ZNF347: variants seen among roughly 807,000 people sequenced by gnomAD.
The protein encoded by ZNF347 is zinc finger protein 347, also known as CTD-2620I22.7.
Under a neutral mutation model 12.9 loss-of-function variants are expected in ZNF347, and 19 were observed. The observed-to-expected ratio is 1.47, with a 90% CI of 1.03 to 2.16. The LOEUF (loss-of-function observed/expected upper bound fraction) is 2.16, where lower values mean the gene tolerates loss of function less well. Among genes scored for constraint, ZNF347 ranks in the 30% most tolerant of loss-of-function variants. The pLI, the probability that ZNF347 is intolerant of heterozygous loss-of-function variation, is 0.00. For synonymous variants in ZNF347, 328 were observed against 340.6 expected (o/e 0.96, Z 0.41); for missense variants, 1,005 against 990.6 (o/e 1.01, Z -0.19).
In ZNF347 at chr19:53,139,402, T is replaced by C. The variant is rs2090405256; in HGVS notation, c.*906A>G. Reference sequence around the variant, plus strand: ...TAAGCCTTTCCATACTGTGGTTCTTTCCCAGATAGGCACCACGAAAGGTGC... The same window carrying C: ...TAAGCCTTTCCATACTGTGGTTCTTCCCCAGATAGGCACCACGAAAGGTGC... On this transcript the variant is annotated 3_prime_UTR_variant, in exon 5 of 5. Transcript: ENST00000334197. 1 of 152,192 alleles carries C rather than the reference T, an allele frequency of 6.6e-6. No individual in the cohort carries two copies. Among genetic ancestry groups the C allele is most frequent in the Non-Finnish European group, 1.5e-5 (1 of 68,044 alleles). The allele number at this position is 152,192 out of a possible 1,614,324, so 9.4% of individuals were successfully genotyped here.
At chr19:53,156,050 G>C (rs545261699) in intron 1 of ZNF347, among the ~76,000 whole-genome samples, 7 of 136,922 alleles carry the variant, frequency 5.1e-5, no homozygotes, top group East Asian at 2.2e-4. Context: ...CAGCTCGGGG[G>C]GGGGGGGGGG....
At chr19:53,144,601 G>A (rs2090450995) in intron 4 of ZNF347, among the ~76,000 whole-genome samples, 1 of 151,978 alleles carries the variant, frequency 6.6e-6, no homozygotes, top group Non-Finnish European at 1.5e-5. Context: ...CAGACTAAAT[G>A]GACCTAAAAA....
At chr19:53,155,294 C>CTGTGTGTGTGTGTGTGTG (rs61275588) in intron 1 of ZNF347, among the ~76,000 whole-genome samples, 1 of 141,816 alleles carries the variant, frequency 7.1e-6, no homozygotes, top group Non-Finnish European at 1.5e-5. Context: ...AGACTTTATT[C>CTGTGTGTGTGTGTGTGTG]TGTGTGTGTG....
intron 2 of ZNF347, among the ~76,000 whole-genome samples, chr19:53,151,951 G>C (rs1016969049): frequency 6.6e-6 from 1 of 151,744 alleles, no homozygotes; most frequent in Non-Finnish European, 1.5e-5. Context: ...AAATTAGCCG[G>C]GTGTGGTGGT....
rs1661933 is a variant in ZNF347 at position 53,138,649 on chromosome 19, T to C, written c.*1659A>G. 6.6e-6 allele frequency: 1 copy of C among 151,986 alleles called. No individual in the cohort carries two copies. The highest frequency in any genetic ancestry group is 2.4e-5 in the African/African-American group (1 of 41,364). 9.4% of individuals were successfully genotyped at this position (151,986 alleles called of 1,614,324 possible). On this transcript the variant is annotated 3_prime_UTR_variant, in exon 5 of 5. Coordinates refer to ENST00000334197, the MANE Select transcript of ZNF347 (RefSeq NM_032584.3). ...AATTCAAGTGCAGAGTATGATTACATTTTCCCAAAATTGTATGTTGATTCC... is the reference window on the plus strand; with the variant it reads ...AATTCAAGTGCAGAGTATGATTACACTTTCCCAAAATTGTATGTTGATTCC...
intron 3 of ZNF347, chr19:53,149,031 G>T: frequency 1.7e-6 from 2 of 1,143,886 alleles, no homozygotes; most frequent in Non-Finnish European, 2.4e-6. Context: ...AGAAAACAGG[G>T]AATTGGATAT....
At chr19:53,151,597 G>A (rs1226364295) in intron 2 of ZNF347, among the ~76,000 whole-genome samples, 1 of 148,520 alleles carries the variant, frequency 6.7e-6, no homozygotes, top group Non-Finnish European at 1.5e-5. Flanking sequence ...GGATCTAAAT[G>A]AGCAAAGTTG....
intron 1 of ZNF347, among the ~76,000 whole-genome samples, 200 bp from the exon 2 acceptor site, chr19:53,153,993 A>G (rs1051723412): frequency 4.6e-5 from 7 of 152,130 alleles, no homozygotes; most frequent in African/African-American, 1.2e-4. Flanking sequence ...GGGAAGATCA[A>G]TAAGTGAGTT....
In ZNF347 at chr19:53,141,607, G is replaced by C. The variant is rs764646966; in HGVS notation, c.1221C>G (p.Gly407=). ...GEKPYKCNEC[G]KVFTQNSHLT... ...GGTGTGAATTTTGAGTGAAGACCTT[G>C]CCACATTCATTACATTTGTAAGGTT... The change falls in exon 5 of 5, where the codon GGC becomes GGG. Residue 407 remains glycine, a synonymous_variant. Transcript: ENST00000334197. The C allele has an allele frequency of 2.5e-6, 4 of 1,613,960 alleles. No homozygotes were observed. The East Asian group carries it at 8.9e-5, about 36-fold the overall frequency.
At chr19:53,150,618 T>C (rs1274206715) in intron 2 of ZNF347, among the ~76,000 whole-genome samples, 1 of 152,220 alleles carries the variant, frequency 6.6e-6, no homozygotes, top group Non-Finnish European at 1.5e-5. Context: ...TCTTACGAGA[T>C]GAAAATGTGT....
At chr19:53,155,012 A>C (rs1456267059) in intron 1 of ZNF347, among the ~76,000 whole-genome samples, 1 of 151,454 alleles carries the variant, frequency 6.6e-6, no homozygotes, top group Non-Finnish European at 1.5e-5. Flanking sequence ...ATCTCGGCTC[A>C]CCGTAACCTC....
chr19:53,141,682 A>G lies in ZNF347; in HGVS notation c.1146T>C (p.Phe382=), dbSNP rs2090428441. ...PYKCNECGKA[F]RARSSLAIHQ... ...GGATAGCTAAGCTTGAACGAGCTCT[A>G]AAGGCTTTCCCACACTCATTACACT... Residue 382 remains phenylalanine, a synonymous_variant, in exon 5 of 5, where the codon TTT becomes TTC. Coordinates refer to ENST00000334197, the MANE Select transcript of ZNF347 (RefSeq NM_032584.3). 1 of 1,614,022 alleles carries G rather than the reference A, an allele frequency of 6.2e-7. No individual in the cohort carries two copies. The highest frequency in any genetic ancestry group is 8.5e-7 in the Non-Finnish European group (1 of 1,179,974).
In ZNF347 at chr19:53,148,638, C is replaced by T. The variant is rs555606353; in HGVS notation, c.271+43G>A. 3.7e-5 allele frequency: 58 copies of T among 1,586,448 alleles called. No individual in the cohort carries two copies. In the South Asian group the frequency reaches 6.0e-4, roughly 16 times the overall value. On this transcript the variant is annotated intron_variant, in intron 4 of 4. Transcript: ENST00000334197. ...AGATTTGCATAGAGTTTCCCAAACA[C>T]TATTTAATAAACGGCATTTTCTCTA...
rs1238771910 is a variant in ZNF347 at position 53,142,342 on chromosome 19, A to G, written c.486T>C (p.Asn162=). The stretch of plus-strand genomic sequence containing the variant: ...CATGTTCATCTCTTCCATGAGTGAG[A>G]TTGCCTTCTTGGGTCAAAAGCACTC... ...YKGVLLTQEG[N]LTHGRDEHDK... is the part of the protein sequence containing the mutation. Residue 162 remains asparagine, a synonymous_variant, in exon 5 of 5, where the codon AAT becomes AAC. Transcript: ENST00000334197. 1 of 1,614,032 alleles carries G rather than the reference A, an allele frequency of 6.2e-7. No individual in the cohort carries two copies. The highest frequency in any genetic ancestry group is 8.5e-7 in the Non-Finnish European group (1 of 1,179,994).
At chr19:53,147,088 G>T (rs1397087926) in intron 4 of ZNF347, among the ~76,000 whole-genome samples, 2 of 151,766 alleles carry the variant, frequency 1.3e-5, no homozygotes, top group African/African-American at 4.8e-5. Context: ...AATAAAAAAG[G>T]ATTTGGCCAG....
At position 53,140,777 on chromosome 19, in the gene ZNF347, T is replaced by C; in HGVS notation, c.2051A>G (p.Asn684Ser). The C allele has an allele frequency of 1.2e-6, 2 of 1,612,920 alleles. No individual in the cohort carries two copies. The highest frequency in any genetic ancestry group is 1.7e-4 in the Middle Eastern group (1 of 6,054). The change falls in exon 5 of 5, where the codon AAT (asparagine) becomes AGT (serine). Residue 684 changes from asparagine (N) to serine (S), a missense_variant. By Grantham distance (46) the Asn-to-Ser change is conservative. Transcript: ENST00000334197. ...TTGACTAAAGGCTTTGCCACATTCATTACACTGGTAAGGTTTACCTCCAGT... is the reference window on the plus strand; with the variant it reads ...TTGACTAAAGGCTTTGCCACATTCACTACACTGGTAAGGTTTACCTCCAGT... ...VHTGGKPYQCNECGKAFSQTS... is the reference protein window; with the variant it reads ...VHTGGKPYQCSECGKAFSQTS...
chr19:53,154,845 T>C lies in ZNF347; in HGVS notation c.-46-1052A>G, dbSNP rs191986386. Among the ~76,000 whole-genome samples the C allele has an allele frequency of 4.7e-4, 68 of 145,934 alleles. No individual in the cohort carries two copies. The East Asian group carries it at 0.012, about 26-fold the overall frequency. On this transcript the variant is annotated intron_variant, in intron 1 of 4. Transcript: ENST00000334197. ...AAGGACTGAAGGCAAGAATTGAACA[T>C]AAAGTAAAAAAAAAAAAAATTGTAG...
At chr19:53,146,422 G>A (rs1395392832) in intron 4 of ZNF347, among the ~76,000 whole-genome samples, 1 of 151,894 alleles carries the variant, frequency 6.6e-6, no homozygotes, top group African/African-American at 2.4e-5. Context: ...CTACAGAAAC[G>A]CACTACCATG....
chr19:53,148,894 C>T (rs899205109), intron 3 of ZNF347, 85 bp from the exon 4 acceptor site: 3 of 1,502,478 alleles, frequency 2.0e-6, no homozygotes, highest in Admixed American at 4.5e-5. Flanking sequence ...GAGGACTTTA[C>T]AGCTGTATCT....
Sources: gnomAD v4.1 joint callset for allele counts (sites outside exome capture counted in the v4.1 genomes callset) on GRCh38, gnomAD v4.1.1 for gene constraint, MANE v1.5 for transcripts, NCBI Gene and HGNC (gene_info 2026-07-23, HGNC 2026-07-21) for gene names.